Variants in RNLS observed in about 807,000 individuals in gnomAD.
RNLS encodes renalase.
A neutral mutation model predicts 39.8 loss-of-function variants in RNLS; 39 were observed. That is an observed-to-expected ratio of 0.98 (90% CI 0.76 to 1.28). The LOEUF (loss-of-function observed/expected upper bound fraction) is 1.28, where lower values mean the gene tolerates loss of function less well. RNLS is among the 50% of genes most tolerant of loss of function. RNLS has a pLI of 0.00. For missense variants in RNLS, 410 were observed against 413.3 expected (o/e 0.99, Z 0.07); for synonymous variants, 147 against 150.7 (o/e 0.98, Z 0.18).
intron 5 of RNLS, among the ~76,000 whole-genome samples, chr10:88,315,198 T>G (rs752832166): frequency 1.3e-5 from 2 of 152,236 alleles, no homozygotes; most frequent in Non-Finnish European, 2.9e-5. Context: ...TTACCATTTC[T>G]TTATGTTTTA....
At chr10:88,269,642 G>C (rs1842595858), downstream of RNLS, among the ~76,000 whole-genome samples, 1 of 152,116 alleles carries the variant, frequency 6.6e-6, no homozygotes, top group South Asian at 2.1e-4. Context: ...TTTAAAAAAG[G>C]GTTTCAGAAT....
chr10:88,208,897 G>A, the RNLS span, among the ~76,000 whole-genome samples: 1 of 152,070 alleles, frequency 6.6e-6, no homozygotes, highest in South Asian at 2.1e-4. Context: ...CATTTGGCAA[G>A]CATAGGCATG....
intron 4 of RNLS, among the ~76,000 whole-genome samples, chr10:88,401,061 G>C (rs776087408): frequency 3.9e-4 from 59 of 151,584 alleles, no homozygotes; most frequent in Non-Finnish European, 7.7e-4. Context: ...TGAATTCCAG[G>C]AGTTCTCCCA....
chr10:88,261,774 A>G, the RNLS span, among the ~76,000 whole-genome samples: 10 of 152,262 alleles, frequency 6.6e-5, no homozygotes, highest in African/African-American at 2.4e-4. Context: ...TGAACAACAC[A>G]GTGACCATGA....
the RNLS span, among the ~76,000 whole-genome samples, chr10:88,240,426 AT>A: frequency 6.7e-6 from 1 of 148,540 alleles, no homozygotes; most frequent in Non-Finnish European, 1.5e-5. Flanking sequence ...AAAAAAAAAA[AT>A]TTAGGCTACT....
chr10:88,349,810 A>G (rs1278028799), intron 5 of RNLS, among the ~76,000 whole-genome samples: 5 of 151,978 alleles, frequency 3.3e-5, no homozygotes, highest in African/African-American at 1.2e-4. Flanking sequence ...TGATATTACT[A>G]TCACATGATA....
intron 5 of RNLS, among the ~76,000 whole-genome samples, chr10:88,317,789 G>A (rs538803652): frequency 6.6e-6 from 1 of 152,116 alleles, no homozygotes; most frequent in Non-Finnish European, 1.5e-5. Flanking sequence ...TCCAGGACCT[G>A]ACAGAGTGCC....
At chr10:88,535,818 G>C (rs1353316642) in intron 4 of RNLS, among the ~76,000 whole-genome samples, 1 of 152,148 alleles carries the variant, frequency 6.6e-6, no homozygotes, top group African/African-American at 2.4e-5. Flanking sequence ...TCTAGGGAAG[G>C]TTGAAAGTGG....
At chr10:88,269,837 A>G (rs1842601996), downstream of RNLS, among the ~76,000 whole-genome samples, 1 of 152,094 alleles carries the variant, frequency 6.6e-6, no homozygotes, top group Admixed American at 6.6e-5. Flanking sequence ...ACAGTTTGTT[A>G]TTTTGTTTTA....
intron 4 of RNLS, among the ~76,000 whole-genome samples, chr10:88,404,976 T>G (rs1327592100): frequency 6.6e-6 from 1 of 152,028 alleles, no homozygotes; most frequent in East Asian, 1.9e-4. Flanking sequence ...AAGCAGCTGT[T>G]TTAGTCAGCT....
At chr10:88,254,833 A>G in the RNLS span, among the ~76,000 whole-genome samples, 1 of 152,236 alleles carries the variant, frequency 6.6e-6, no homozygotes, top group Non-Finnish European at 1.5e-5. Context: ...TTTACAGTCT[A>G]TGGTCTTAAC....
At chr10:88,309,548 C>G in intron 6 of RNLS, 2 of 958,064 alleles carry the variant, frequency 2.1e-6, no homozygotes, top group Non-Finnish European at 2.9e-6. Flanking sequence ...TAACTCCTAG[C>G]AGTACTATGG....
chr10:88,370,324 T>A (rs1850451071), intron 4 of RNLS, among the ~76,000 whole-genome samples: 1 of 152,164 alleles, frequency 6.6e-6, no homozygotes, highest in Middle Eastern at 3.2e-3. Flanking sequence ...TAAACACTTT[T>A]AAAAAGTGTA....
intron 5 of RNLS, among the ~76,000 whole-genome samples, chr10:88,350,436 G>C (rs1848609458): frequency 6.6e-6 from 1 of 152,006 alleles, no homozygotes; most frequent in African/African-American, 2.4e-5. Context: ...CTGTGTCCAA[G>C]TGTTCTCATT....
At chr10:88,484,170 A>C (rs558333539) in intron 4 of RNLS, among the ~76,000 whole-genome samples, 2 of 152,216 alleles carry the variant, frequency 1.3e-5, no homozygotes, top group African/African-American at 4.8e-5. Context: ...TAACACAAAA[A>C]TTCATGAGGG....
chr10:88,220,312 A>AT, the RNLS span, among the ~76,000 whole-genome samples: 1 of 152,008 alleles, frequency 6.6e-6, no homozygotes, highest in East Asian at 1.9e-4. Context: ...GCATTTTAGG[A>AT]TTTTGGGGTG....
chr10:88,456,183 T>C (rs953288146), intron 4 of RNLS, among the ~76,000 whole-genome samples: 1 of 152,172 alleles, frequency 6.6e-6, no homozygotes, highest in Admixed American at 6.5e-5. Flanking sequence ...GCACTAAAAC[T>C]CAAGGTACTC....
rs1159700731 is a variant in RNLS at position 88,307,924 on chromosome 10, G to A, written c.876+6542C>T. Among the ~76,000 whole-genome samples the A allele has an allele frequency of 2.0e-5, 3 of 151,592 alleles. No homozygotes were observed. In the South Asian group the frequency reaches 6.2e-4, roughly 32 times the overall value. The stretch of plus-strand genomic sequence containing the variant: ...GGAGGCACTGAAACAGCATGATATT[G>A]GTACAAAAACAGACACATAGCCCAA... On this transcript the variant is annotated intron_variant, in intron 6 of 6. Coordinates refer to ENST00000331772, the MANE Select transcript of RNLS (RefSeq NM_001031709.3).
chr10:88,455,329 C>A (rs981913993), intron 4 of RNLS, among the ~76,000 whole-genome samples: 2 of 152,128 alleles, frequency 1.3e-5, no homozygotes, highest in African/African-American at 2.4e-5. Context: ...ACTAGGGCAA[C>A]TAGTTCAGAT....
Sources: gnomAD v4.1 joint callset for allele counts (sites outside exome capture counted in the v4.1 genomes callset) on GRCh38, gnomAD v4.1.1 for gene constraint, MANE v1.5 for transcripts, NCBI Gene and HGNC (gene_info 2026-07-23, HGNC 2026-07-21) for gene names.